Variants in ABLIM1 observed in about 807,000 individuals in gnomAD.
The protein encoded by ABLIM1 is actin-binding LIM protein 1.
ABLIM1 carries 40 observed loss-of-function variants against 107.0 expected under a neutral mutation model. The observed-to-expected ratio is 0.37, with a 90% CI of 0.29 to 0.49. The LOEUF (loss-of-function observed/expected upper bound fraction) is 0.49. ABLIM1 is among the 20% of genes least tolerant of loss of function. The pLI is 0.97. For synonymous variants in ABLIM1, 357 were observed against 357.3 expected (o/e 1.00, Z 0.01); for missense variants, 857 against 1,008.5 (o/e 0.85, Z 2.04).
the ABLIM1 span, among the ~76,000 whole-genome samples, chr10:114,784,966 T>A: frequency 6.6e-6 from 1 of 152,226 alleles, no homozygotes; most frequent in Non-Finnish European, 1.5e-5. Flanking sequence ...TTGAGACTAA[T>A]TTACTTTCAT....
At chr10:114,700,637 T>C (rs1343048330) in intron 1 of ABLIM1, among the ~76,000 whole-genome samples, 1 of 152,030 alleles carries the variant, frequency 6.6e-6, no homozygotes, top group African/African-American at 2.4e-5. Flanking sequence ...AGATCTACAC[T>C]TATAAATGAT....
intron 6 of ABLIM1, among the ~76,000 whole-genome samples, chr10:114,505,633 G>A (rs1427011824): frequency 6.6e-6 from 1 of 152,120 alleles, no homozygotes; most frequent in Non-Finnish European, 1.5e-5. Flanking sequence ...CAGAAGCCAG[G>A]CTTTTTAAGT....
intron 1 of ABLIM1, among the ~76,000 whole-genome samples, chr10:114,704,495 G>A (rs952856353): frequency 2.0e-5 from 3 of 151,636 alleles, no homozygotes; most frequent in Non-Finnish European, 4.4e-5. Context: ...CCAGAATTTA[G>A]TAAGAGTATT....
chr10:114,552,707 A>G (rs1041496180), intron 4 of ABLIM1, among the ~76,000 whole-genome samples: 1 of 152,118 alleles, frequency 6.6e-6, no homozygotes, highest in Non-Finnish European at 1.5e-5. Context: ...CTCTTAATAT[A>G]TTTTATTTGT....
intron 1 of ABLIM1, among the ~76,000 whole-genome samples, chr10:114,653,936 G>A (rs1452625187): frequency 6.6e-6 from 1 of 152,234 alleles, no homozygotes; most frequent in Non-Finnish European, 1.5e-5. Flanking sequence ...ACATATGCAT[G>A]GGGACACTTG....
intron 1 of ABLIM1, among the ~76,000 whole-genome samples, chr10:114,695,533 G>GT (rs2081176965): frequency 6.6e-6 from 1 of 152,056 alleles, no homozygotes; most frequent in South Asian, 2.1e-4. Context: ...TCAAAATAAT[G>GT]TATCTGTGCA....
chr10:114,656,534 C>A (rs1018476286), intron 1 of ABLIM1, among the ~76,000 whole-genome samples: 1 of 151,886 alleles, frequency 6.6e-6, no homozygotes, highest in East Asian at 1.9e-4. Context: ...TTCACACACG[C>A]GTGTGTGAGG....
At chr10:114,538,102 G>A (rs1241968111) in intron 6 of ABLIM1, among the ~76,000 whole-genome samples, 1 of 152,144 alleles carries the variant, frequency 6.6e-6, no homozygotes. Flanking sequence ...AAATACCTAT[G>A]CCAAAAAGAA....
chr10:114,524,801 G>A (rs566306360), intron 6 of ABLIM1, among the ~76,000 whole-genome samples: 6 of 152,270 alleles, frequency 3.9e-5, no homozygotes, highest in African/African-American at 7.2e-5. Flanking sequence ...AGGAAAAGGG[G>A]GCAGAAGAAT....
intron 8 of ABLIM1, among the ~76,000 whole-genome samples, chr10:114,482,699 G>C (rs1421936272): frequency 6.6e-6 from 1 of 152,290 alleles, no homozygotes; most frequent in East Asian, 1.9e-4. Context: ...GTTACAGCTG[G>C]ATAATAGGAA....
At chr10:114,531,481 A>G (rs1364155926) in intron 6 of ABLIM1, among the ~76,000 whole-genome samples, 1 of 152,202 alleles carries the variant, frequency 6.6e-6, no homozygotes, top group Non-Finnish European at 1.5e-5. Context: ...ACATGTAAGC[A>G]ACTTGCTGAG....
chr10:114,729,819 A>C (rs570126893), intron 1 of ABLIM1, among the ~76,000 whole-genome samples: 1 of 152,248 alleles, frequency 6.6e-6, no homozygotes, highest in African/African-American at 2.4e-5. Flanking sequence ...CTGGGTAAAA[A>C]ATAAGCCAAT....
At chr10:114,440,721 A>G (rs1324887430) in intron 19 of ABLIM1, 6 of 481,578 alleles carry the variant, frequency 1.2e-5, no homozygotes, top group Non-Finnish European at 2.0e-5. Flanking sequence ...TCAGCCTCCC[A>G]AAGTGTTGGG....
At chr10:114,544,373 C>T (rs1170680300) in intron 6 of ABLIM1, among the ~76,000 whole-genome samples, 1 of 152,160 alleles carries the variant, frequency 6.6e-6, no homozygotes, top group East Asian at 1.9e-4. Context: ...AATTCTGTGT[C>T]TCACCCCAGA....
In ABLIM1 at chr10:114,436,272, T is replaced by C. The variant is rs1357868642; in HGVS notation, c.2325A>G (p.Ala775=). The change falls in exon 23 of 23, where the codon GCA becomes GCG. Residue 775 remains alanine (A), a synonymous_variant. Coordinates refer to ENST00000533213, the MANE Select transcript of ABLIM1 (RefSeq NM_002313.7). ...LWRRNDMKKK[A]KLF is the part of the protein sequence containing the mutation. Reference sequence around the variant, plus strand: ...TCACGAGTGGGACTTAGAAGAGTTTTGCTTTTTTCTTCATGTCGTTGCGTC... The same window carrying C: ...TCACGAGTGGGACTTAGAAGAGTTTCGCTTTTTTCTTCATGTCGTTGCGTC... The C allele has an allele frequency of 6.2e-7, 1 of 1,613,342 alleles. No individual in the cohort carries two copies. Among genetic ancestry groups the C allele is most frequent in the Non-Finnish European group, 8.5e-7 (1 of 1,179,430 alleles).
At chr10:114,730,169 A>C (rs987598235) in intron 1 of ABLIM1, among the ~76,000 whole-genome samples, 7 of 152,078 alleles carry the variant, frequency 4.6e-5, no homozygotes, top group Non-Finnish European at 7.4e-5. Context: ...AGGCCAAAGC[A>C]GGTGGATCCC....
At chr10:114,449,204 C>T (rs1357676355) in intron 14 of ABLIM1, among the ~76,000 whole-genome samples, 2 of 152,212 alleles carry the variant, frequency 1.3e-5, no homozygotes, top group Non-Finnish European at 2.9e-5. Context: ...TGGAGCAAAA[C>T]AAACCAGGTT....
At chr10:114,649,566 A>G (rs1162729260) in intron 1 of ABLIM1, among the ~76,000 whole-genome samples, 1 of 152,094 alleles carries the variant, frequency 6.6e-6, no homozygotes, top group East Asian at 1.9e-4. Context: ...TGATTCTGCA[A>G]AGGGTTTCTC....
intron 1 of ABLIM1, among the ~76,000 whole-genome samples, chr10:114,669,831 G>A (rs2080177222): frequency 6.6e-6 from 1 of 152,068 alleles, no homozygotes; most frequent in Non-Finnish European, 1.5e-5. Context: ...GGGATCTGGG[G>A]ATCTGGGGTT....
Sources: gnomAD v4.1 joint callset for allele counts (sites outside exome capture counted in the v4.1 genomes callset) on GRCh38, gnomAD v4.1.1 for gene constraint, MANE v1.5 for transcripts, NCBI Gene and HGNC (gene_info 2026-07-23, HGNC 2026-07-21) for gene names.